Variants in ZNF654 observed in about 807,000 individuals in gnomAD.
ZNF654 encodes the protein melanoma-associated antigen.
In ZNF654, 19 loss-of-function variants were observed where a neutral mutation model predicts 95.3. That is an observed-to-expected ratio of 0.20 (90% confidence interval 0.14 to 0.29). The LOEUF (loss-of-function observed/expected upper bound fraction) is 0.29, where lower values mean the gene tolerates loss of function less well. Among genes scored for constraint, ZNF654 ranks in the 10% least tolerant of loss-of-function variants. ZNF654 has a pLI of 1.00. For synonymous variants in ZNF654, 413 were observed against 457.9 expected, an observed-to-expected ratio of 0.90 and a Z score of 1.25; for missense variants, 1,046 against 1,341.0, an observed-to-expected ratio of 0.78 and a Z score of 3.44.
At chr3:88,100,431 T>C (rs1279489510) in intron 2 of ZNF654, among the ~76,000 whole-genome samples, 1 of 152,166 alleles carries the variant, frequency 6.6e-6, no homozygotes, top group African/African-American at 2.4e-5. Context: ...CTCAGGGATG[T>C]AGAACTAGAA....
At chr3:88,072,643 A>C (rs557757357) in intron 1 of ZNF654, among the ~76,000 whole-genome samples, 1 of 152,314 alleles carries the variant, frequency 6.6e-6, no homozygotes, top group African/African-American at 2.4e-5. Flanking sequence ...CATGTAAAGC[A>C]GCATCCCATC....
intron 2 of ZNF654, among the ~76,000 whole-genome samples, chr3:88,090,358 G>C (rs1708565818): frequency 6.6e-6 from 1 of 151,914 alleles, no homozygotes. Context: ...ATGTGACTTA[G>C]TTTTTAACAA....
intron 3 of ZNF654, among the ~76,000 whole-genome samples, chr3:88,124,311 C>T (rs1404712439): frequency 1.3e-5 from 2 of 152,086 alleles, no homozygotes; most frequent in Non-Finnish European, 2.9e-5. Flanking sequence ...GTAACTTGCC[C>T]ATTGTTGGTA....
rs72921690 is a variant in ZNF654, at chr3:88,083,497, A to G, written c.187-2760A>G. On this transcript the variant is annotated intron_variant, in intron 1 of 8. Coordinates refer to ENST00000636215, the MANE Select transcript of ZNF654 (RefSeq NM_001350134.2). ...TTTGGCATCAGCTTTGTCCTCTTCA[A>G]TTCCCTTTATATCATAGCGTGCTTC... 4.9e-3 allele frequency among the ~76,000 whole-genome samples: 751 copies of G among 152,274 alleles called. 7 individuals are homozygous for G. The highest frequency in any genetic ancestry group is 0.017 in the African/African-American group (719 of 41,546).
At chr3:88,133,543 C>T (rs1487951036) in intron 6 of ZNF654, among the ~76,000 whole-genome samples, 1 of 152,018 alleles carries the variant, frequency 6.6e-6, no homozygotes, top group African/African-American at 2.4e-5. Flanking sequence ...CTTGATAGGG[C>T]CTTTGAAAGA....
intron 3 of ZNF654, 32 bp downstream of exon 3, chr3:88,113,228 C>G (rs964561117): frequency 1.4e-6 from 2 of 1,385,874 alleles, no homozygotes; most frequent in African/African-American, 2.9e-5. Flanking sequence ...CACACTTTGT[C>G]TACACTTAAA....
At chr3:88,069,458 C>T (rs1375572554) in intron 1 of ZNF654, among the ~76,000 whole-genome samples, 1 of 152,060 alleles carries the variant, frequency 6.6e-6, no homozygotes, top group Non-Finnish European at 1.5e-5. Flanking sequence ...CTTAGTCCAC[C>T]CCCCAACCCA....
chr3:88,116,936 G>C (rs1705445019), intron 3 of ZNF654, among the ~76,000 whole-genome samples: 1 of 152,118 alleles, frequency 6.6e-6, no homozygotes, highest in Non-Finnish European at 1.5e-5. Flanking sequence ...GATGACTAAA[G>C]AGGATAAATA....
At chr3:88,084,771 G>C (rs1288411512) in intron 1 of ZNF654, among the ~76,000 whole-genome samples, 1 of 152,184 alleles carries the variant, frequency 6.6e-6, no homozygotes, top group Non-Finnish European at 1.5e-5. Context: ...GGCACAGCAA[G>C]CAGCGTGAGT....
chr3:88,075,661 A>G (rs191324074), intron 1 of ZNF654, among the ~76,000 whole-genome samples: 105 of 152,240 alleles, frequency 6.9e-4, no homozygotes, highest in African/African-American at 2.4e-3. Flanking sequence ...CATTTCTTTC[A>G]GCAATAGTAG....
At chr3:88,123,011 CAAAAAA>C (rs1289535548) in intron 3 of ZNF654, among the ~76,000 whole-genome samples, 4 of 76,148 alleles carry the variant, frequency 5.3e-5, no homozygotes, top group African/African-American at 1.8e-4. Flanking sequence ...CTCTGAGTCT[CAAAAAA>C]AAAAAAAAAG....
chr3:88,116,781 ACT>A (rs1234522002), intron 3 of ZNF654, among the ~76,000 whole-genome samples: 1 of 151,762 alleles, frequency 6.6e-6, no homozygotes, highest in African/African-American at 2.4e-5. Flanking sequence ...CATCCTCTTT[ACT>A]CTCTCATAGG....
chr3:88,085,709 T>G (rs1160345777), intron 1 of ZNF654, among the ~76,000 whole-genome samples: 1 of 152,188 alleles, frequency 6.6e-6, no homozygotes, highest in Non-Finnish European at 1.5e-5. Context: ...CCTACCCAGA[T>G]TCATAAAACT....
At chr3:88,062,027 G>A (rs1357956356) in intron 1 of ZNF654, among the ~76,000 whole-genome samples, 1 of 152,130 alleles carries the variant, frequency 6.6e-6, no homozygotes, top group Non-Finnish European at 1.5e-5. Context: ...TTTTCCAGAG[G>A]GGTTTTTGTG....
chr3:88,070,435 T>C (rs1672822950), intron 1 of ZNF654, among the ~76,000 whole-genome samples: 1 of 152,172 alleles, frequency 6.6e-6, no homozygotes, highest in Non-Finnish European at 1.5e-5. Context: ...ATTTCTTTTT[T>C]TTTTTAATCA....
intron 3 of ZNF654, among the ~76,000 whole-genome samples, chr3:88,118,536 G>A (rs981083282): frequency 2.0e-5 from 3 of 151,984 alleles, no homozygotes; most frequent in South Asian, 2.1e-4. Context: ...AGATGAAGAC[G>A]TTTAGAACTA....
Position 88,139,693 on chromosome 3 carries a change from A to G in ZNF654, c.2024A>G (p.Asn675Ser). ...AGTGTACCAGAAGATGTTATTGAAA[A>G]TGTTATTGAAAATGGCAGTCCTAAT... ...PISVPEDVIE[N>S]VIENGSPNNS... is the part of the protein sequence containing the mutation. The change falls in exon 8 of 9, where the codon AAT (asparagine) becomes AGT (serine). Residue 675 changes from asparagine (N) to serine (S), a missense_variant. Around this residue, in one of 9 missense-constraint regions of ZNF654, gnomAD observed 495 missense variants for 537.0 expected, o/e 0.92. Transcript: ENST00000636215. 6.3e-7 allele frequency: 1 copy of G among 1,590,216 alleles called. No individual in the cohort carries two copies. The highest frequency in any genetic ancestry group is 8.6e-7 in the Non-Finnish European group (1 of 1,166,980).
chr3:88,141,081 G>T (rs1442195906), intron 8 of ZNF654, 33 bp downstream of exon 8: 8 of 1,536,412 alleles, frequency 5.2e-6, no homozygotes, highest in Non-Finnish European at 6.1e-6. Flanking sequence ...AGAGGTATCT[G>T]TAGAAAGAGA....
chr3:88,125,021 C>T (rs1473485672), intron 3 of ZNF654, among the ~76,000 whole-genome samples: 1 of 151,978 alleles, frequency 6.6e-6, no homozygotes. Flanking sequence ...TGAGACTATC[C>T]TGGCTAACAC....
Sources: allele counts gnomAD v4.1 joint callset (sites outside exome capture counted in the v4.1 genomes callset), GRCh38; gene constraint gnomAD v4.1.1; regional missense constraint gnomAD v4.1.1; transcripts MANE v1.5; gene names NCBI Gene and HGNC (gene_info 2026-07-23, HGNC 2026-07-21).